SV2C: variants seen among roughly 807,000 people sequenced by gnomAD.
SV2C encodes the protein solute carrier family 22 member B3.
In SV2C, 49 loss-of-function variants were observed where a neutral mutation model predicts 79.7. The observed-to-expected ratio is 0.61, with a 90% CI of 0.49 to 0.78. The LOEUF is 0.78. Ranked by LOEUF, SV2C falls within the 30% of genes least tolerant of loss-of-function variation. The probability of loss-of-function intolerance (pLI) is 0.00; values close to 1 mark genes in which losing one functional copy is unlikely to be tolerated. For missense variants in SV2C, 833 were observed against 912.9 expected, an observed-to-expected ratio of 0.91 and a Z score of 1.13; for synonymous variants, 334 against 333.2, an observed-to-expected ratio of 1.00 and a Z score of -0.03.
intron 1 of SV2C, among the ~76,000 whole-genome samples, chr5:76,104,944 C>CCACAGTTG (rs1349862122): frequency 1.3e-5 from 2 of 152,118 alleles, no homozygotes; most frequent in Non-Finnish European, 2.9e-5. Context: ...CAGTTTTTTC[C>CCACAGTTG]CACAGTTGCA....
chr5:76,009,991 G>GTTTTTTTTTT, the SV2C span, among the ~76,000 whole-genome samples: 8 of 112,638 alleles, frequency 7.1e-5, no homozygotes, highest in East Asian at 2.8e-4. Flanking sequence ...TATCTATTTT[G>GTTTTTTTTTT]TTTTTTTTTT....
At chr5:75,985,310 C>G in the SV2C span, among the ~76,000 whole-genome samples, 1 of 151,886 alleles carries the variant, frequency 6.6e-6, no homozygotes, top group Admixed American at 6.6e-5. Context: ...TCCTATGATC[C>G]AAACACCACC....
At chr5:75,871,659 TTAGG>T in the SV2C span, among the ~76,000 whole-genome samples, 1 of 151,416 alleles carries the variant, frequency 6.6e-6, no homozygotes, top group African/African-American at 2.4e-5. Context: ...AATACAAAAA[TTAGG>T]TGGGTGTGGT....
the SV2C span, among the ~76,000 whole-genome samples, chr5:75,890,465 A>T: frequency 6.6e-6 from 1 of 152,090 alleles, no homozygotes; most frequent in African/African-American, 2.4e-5. Context: ...ACCTGCATAC[A>T]ATCCCAAATG....
intron 4 of SV2C, among the ~76,000 whole-genome samples, chr5:76,265,131 T>C (rs1452630868): frequency 6.6e-6 from 1 of 152,202 alleles, no homozygotes; most frequent in Non-Finnish European, 1.5e-5. Flanking sequence ...CTGCTGCCTT[T>C]CTTTCAGAGA....
intron 4 of SV2C, among the ~76,000 whole-genome samples, chr5:76,220,154 G>A (rs1164171829): frequency 1.3e-5 from 2 of 152,142 alleles, no homozygotes; most frequent in South Asian, 2.1e-4. Context: ...TACATAAAGC[G>A]AAATAAATAG....
the SV2C span, among the ~76,000 whole-genome samples, chr5:75,916,673 C>T: frequency 6.6e-6 from 1 of 152,132 alleles, no homozygotes; most frequent in African/African-American, 2.4e-5. Flanking sequence ...CGGGGTTTCA[C>T]CATGCTGATC....
At chr5:75,886,801 T>A in the SV2C span, among the ~76,000 whole-genome samples, 1 of 152,114 alleles carries the variant, frequency 6.6e-6, no homozygotes, top group Non-Finnish European at 1.5e-5. Flanking sequence ...TAAGTCAGAA[T>A]GTTTTCAGCT....
chr5:76,230,782 C>CT (rs1423103492), intron 4 of SV2C, among the ~76,000 whole-genome samples: 1 of 148,700 alleles, frequency 6.7e-6, no homozygotes, highest in Non-Finnish European at 1.5e-5. Context: ...GAGCAAGACT[C>CT]TGTCTCAGAA....
chr5:75,982,110 C>T, the SV2C span, among the ~76,000 whole-genome samples: 7 of 149,174 alleles, frequency 4.7e-5, no homozygotes, highest in Non-Finnish European at 8.9e-5. Context: ...GGGATAGCAT[C>T]GGGAGATATA....
downstream of SV2C, among the ~76,000 whole-genome samples, chr5:76,338,379 C>G (rs1160908288): frequency 1.3e-5 from 2 of 152,234 alleles, no homozygotes; most frequent in Non-Finnish European, 1.5e-5. Flanking sequence ...CAAGGTGGCA[C>G]CAAAAATGCC....
chr5:76,304,085 C>T (rs371996942), intron 12 of SV2C, among the ~76,000 whole-genome samples: 1 of 152,328 alleles, frequency 6.6e-6, no homozygotes, highest in South Asian at 2.1e-4. Context: ...TGTCTGGGAG[C>T]AGCATGTGGG....
chr5:76,012,749 A>G, the SV2C span, among the ~76,000 whole-genome samples: 1 of 152,144 alleles, frequency 6.6e-6, no homozygotes. Context: ...TCTTACATCT[A>G]AGTCTTTAAT....
chr5:76,174,735 C>T (rs772969580), intron 2 of SV2C, among the ~76,000 whole-genome samples: 93 of 152,344 alleles, frequency 6.1e-4, no homozygotes, highest in Non-Finnish European at 9.0e-4. Flanking sequence ...TCGTGGACCC[C>T]TGCTACAAAC....
At chr5:76,027,026 T>C in the SV2C span, among the ~76,000 whole-genome samples, 568 of 152,086 alleles carry the variant, frequency 3.7e-3, 1 homozygote, top group Non-Finnish European at 6.6e-3. Context: ...GGGTAAACTT[T>C]ATTTTTTGAA....
chr5:76,102,010 G>A (rs1747757212), intron 1 of SV2C, among the ~76,000 whole-genome samples: 1 of 152,066 alleles, frequency 6.6e-6, no homozygotes, highest in South Asian at 2.1e-4. Flanking sequence ...CTCTCACTTG[G>A]AATAATATAA....
the SV2C span, among the ~76,000 whole-genome samples, chr5:75,970,501 G>A: frequency 1.1e-4 from 17 of 152,020 alleles, no homozygotes; most frequent in Middle Eastern, 3.4e-3. Context: ...TATCACCACC[G>A]ATCCCACAGA....
chr5:76,065,808 A>T, the SV2C span, among the ~76,000 whole-genome samples: 1 of 152,202 alleles, frequency 6.6e-6, no homozygotes, highest in East Asian at 1.9e-4. Flanking sequence ...TTAGATATTT[A>T]AGATATTTCC....
In SV2C at chr5:76,245,219, C is replaced by G. The variant is rs964898568; in HGVS notation, c.913+35332C>G. ...GGCCAGGAGCTGTCACTGTTAATTCCTCAATGCCAGATTCCCAATAAATTT... is the reference window on the plus strand; with the variant it reads ...GGCCAGGAGCTGTCACTGTTAATTCGTCAATGCCAGATTCCCAATAAATTT... On this transcript the variant is annotated intron_variant, in intron 4 of 12. Transcript: ENST00000502798. 1.4e-4 allele frequency among the ~76,000 whole-genome samples: 22 copies of G among 152,122 alleles called. No individual in the cohort carries two copies. In the South Asian group the frequency reaches 2.7e-3, roughly 19 times the overall value.
Sources: gnomAD v4.1 joint callset for allele counts (sites outside exome capture counted in the v4.1 genomes callset) on GRCh38, gnomAD v4.1.1 for gene constraint, MANE v1.5 for transcripts, NCBI Gene and HGNC (gene_info 2026-07-23, HGNC 2026-07-21) for gene names.